The following KMT5B variants were observed in gnomAD, a reference collection of about 807,000 sequenced individuals.
The protein encoded by KMT5B is histone-lysine N-methyltransferase KMT5B.
A neutral mutation model predicts 83.2 loss-of-function variants in KMT5B; 10 were observed. The ratio of observed to expected loss-of-function variants is 0.12; its 90% CI spans 0.07 to 0.20. The LOEUF (loss-of-function observed/expected upper bound fraction) is 0.20. Ranked by LOEUF, KMT5B falls within the 10% of genes least tolerant of loss-of-function variation. The probability of loss-of-function intolerance (pLI) is 1.00; values close to 1 mark genes in which losing one functional copy is unlikely to be tolerated. For synonymous variants in KMT5B, 349 were observed against 388.8 expected (o/e 0.90, Z 1.20); for missense variants, 753 against 1,067.2 (o/e 0.71, Z 4.10).
intron 5 of KMT5B, among the ~76,000 whole-genome samples, chr11:68,174,498 T>C (rs1039630899): frequency 6.6e-6 from 1 of 152,146 alleles, no homozygotes; most frequent in Non-Finnish European, 1.5e-5. Context: ...AGGCTCATAA[T>C]GAATTTCACC....
intron 5 of KMT5B, chr11:68,174,320 T>C (rs1856138456): frequency 3.0e-6 from 1 of 338,106 alleles, no homozygotes; most frequent in African/African-American, 2.2e-5. Flanking sequence ...AATATTTGCA[T>C]TACAGTAACT....
chr11:68,187,021 G>C (rs1857501528), intron 2 of KMT5B, among the ~76,000 whole-genome samples: 1 of 151,116 alleles, frequency 6.6e-6, no homozygotes. Context: ...TTTGAAGACA[G>C]GGTCTTGCTT....
chr11:68,212,898 G>A (rs1424414470), intron 1 of KMT5B: 1 of 148,614 alleles, frequency 6.7e-6, no homozygotes, highest in Admixed American at 6.7e-5. Flanking sequence ...CTGCCCGGCG[G>A]CCGCTACCGC....
intron 4 of KMT5B, chr11:68,179,647 GA>G: frequency 4.1e-6 from 5 of 1,207,372 alleles, no homozygotes; most frequent in Non-Finnish European, 4.2e-6. Flanking sequence ...AAGGGGAACA[GA>G]AAAAAGGGAG....
In KMT5B at chr11:68,171,857, C is replaced by A; in HGVS notation, c.654-148G>T. On this transcript the variant is annotated intron_variant, in intron 6 of 10. Transcript: ENST00000304363. The surrounding 1 kb of genome is among the most constrained non-coding windows in gnomAD (Gnocchi z 5.1). Reference sequence around the variant, plus strand: ...TTAGCTCACTGGGATCCCCACCTGGCTATCTTCTCTCCTACCCTGGAGCTC... The same window carrying A: ...TTAGCTCACTGGGATCCCCACCTGGATATCTTCTCTCCTACCCTGGAGCTC... 1.5e-6 allele frequency: 1 copy of A among 646,590 alleles called. No homozygotes were observed. The highest frequency in any genetic ancestry group is 2.8e-5 in the East Asian group (1 of 36,318). The allele number at this position is 646,590 out of a possible 1,614,324, so 40.1% of individuals were successfully genotyped here. A position where few individuals can be genotyped will look rare whatever the true frequency, so the allele number is the denominator to read the frequency against.
intron 1 of KMT5B, among the ~76,000 whole-genome samples, chr11:68,198,018 T>G (rs987474147): frequency 2.0e-5 from 3 of 152,240 alleles, no homozygotes; most frequent in African/African-American, 7.2e-5. Context: ...CTTGCTGGCA[T>G]GATCTTTCCT....
intron 3 of KMT5B, 127 bp from the exon 4 acceptor site, chr11:68,180,327 C>A: frequency 7.7e-7 from 1 of 1,291,322 alleles, no homozygotes; most frequent in Non-Finnish European, 1.1e-6. Flanking sequence ...TAATCAAGAA[C>A]TTTAAGATAC....
intron 1 of KMT5B, among the ~76,000 whole-genome samples, chr11:68,209,249 A>G (rs570345428): frequency 8.5e-5 from 13 of 152,202 alleles, no homozygotes; most frequent in African/African-American, 3.1e-4. Flanking sequence ...CCTAGAATCC[A>G]CTCAGTTCAA....
chr11:68,181,776 C>T (rs1242957380), intron 3 of KMT5B, among the ~76,000 whole-genome samples: 1 of 152,086 alleles, frequency 6.6e-6, no homozygotes, highest in Non-Finnish European at 1.5e-5. Context: ...AAACATATAC[C>T]TTTCACCAAG....
chr11:68,189,968 T>G lies in KMT5B; in HGVS notation c.109A>C (p.Lys37Gln). ...QNQSKLQHTGKDTLKAGKNAV... is the reference protein window; with the variant it reads ...QNQSKLQHTGQDTLKAGKNAV... ...TTTTTGCCAGCCTTCAGGGTGTCCT[T>G]CCCCGTGTGCTGTAATTTTGATTGA... Residue 37 changes from lysine to glutamine, a missense_variant, in exon 2 of 11, where the codon AAG (lysine) becomes CAG (glutamine). This residue lies in a region of KMT5B where 56 missense variants were observed against 91.4 expected (regional missense o/e 0.61). Transcript: ENST00000304363. 6.2e-7 allele frequency: 1 copy of G among 1,614,162 alleles called. No individual in the cohort carries two copies. The highest frequency in any genetic ancestry group is 8.5e-7 in the Non-Finnish European group (1 of 1,180,028).
At chr11:68,165,748 AAC>A in intron 10 of KMT5B, 1 of 1,449,660 alleles carries the variant, frequency 6.9e-7, no homozygotes. Context: ...TATGAGAATC[AAC>A]AGTCAACAGT....
At chr11:68,185,156 A>C (rs1211370388) in intron 3 of KMT5B, among the ~76,000 whole-genome samples, 1 of 152,162 alleles carries the variant, frequency 6.6e-6, no homozygotes, top group Non-Finnish European at 1.5e-5. Flanking sequence ...TACACTTTCA[A>C]GGTGTTACAG....
At chr11:68,165,777 CTT>C in intron 10 of KMT5B, 3 of 1,527,056 alleles carry the variant, frequency 2.0e-6, no homozygotes, top group African/African-American at 2.8e-5. Context: ...TTGACTAACT[CTT>C]GTTGTTCACT....
At chr11:68,187,455 T>C (rs980938581) in intron 2 of KMT5B, among the ~76,000 whole-genome samples, 13 of 152,366 alleles carry the variant, frequency 8.5e-5, no homozygotes, top group Middle Eastern at 3.4e-3. Context: ...CACTGATTAT[T>C]TAGAAGTGTG....
At chr11:68,196,725 T>C (rs904662665) in intron 1 of KMT5B, among the ~76,000 whole-genome samples, 1 of 151,836 alleles carries the variant, frequency 6.6e-6, no homozygotes, top group African/African-American at 2.4e-5. Flanking sequence ...CATTATACTT[T>C]CTGGTTTACT....
At position 68,158,444 on chromosome 11, in the gene KMT5B, A is replaced by G. The variant is rs1255750493; in HGVS notation, c.1902T>C (p.Asp634=). The change falls in exon 11 of 11, where the codon GAT becomes GAC. Residue 634 remains aspartate (D), a synonymous_variant. Coordinates refer to ENST00000304363, the MANE Select transcript of KMT5B (RefSeq NM_017635.5). ...GTACCGCGTCGTCTTTTCCAGGAGA[A>G]TCGTGCACTGGAGTAGATTCCTCTA... ...AKIEESTPVH[D]SPGKDDAVPD... 6.2e-7 allele frequency: 1 copy of G among 1,614,128 alleles called. No homozygotes were observed. The highest frequency in any genetic ancestry group is 2.2e-5 in the East Asian group (1 of 44,882).
chr11:68,159,807 A>G (rs1296491426), intron 10 of KMT5B, among the ~76,000 whole-genome samples: 1 of 152,260 alleles, frequency 6.6e-6, no homozygotes, highest in African/African-American at 2.4e-5. Context: ...GAGGAACAGA[A>G]GAGGCAACCA....
chr11:68,176,041 T>C (rs1265582090), intron 4 of KMT5B, among the ~76,000 whole-genome samples: 5 of 149,842 alleles, frequency 3.3e-5, no homozygotes, highest in Non-Finnish European at 7.4e-5. Flanking sequence ...CAGCCTCCCA[T>C]GTAGCTGGGA....
chr11:68,179,147 A>G (rs980874888), intron 4 of KMT5B, among the ~76,000 whole-genome samples: 2 of 147,172 alleles, frequency 1.4e-5, no homozygotes, highest in African/African-American at 5.0e-5. Flanking sequence ...CACTGGGCCC[A>G]GCCAGAGACA....
Sources: gnomAD v4.1 joint callset for allele counts (sites outside exome capture counted in the v4.1 genomes callset) on GRCh38, gnomAD v4.1.1 for gene constraint, gnomAD v4.1.1 regional missense constraint, Gnocchi (gnomAD v3.1) non-coding constraint, MANE v1.5 for transcripts, NCBI Gene and HGNC (gene_info 2026-07-23, HGNC 2026-07-21) for gene names.